BPTF: variants seen among roughly 807,000 people sequenced by gnomAD.
The protein encoded by BPTF is bromodomain PHD finger transcription factor.
Under a neutral mutation model 292.5 loss-of-function variants are expected in BPTF, and 18 were observed. The observed-to-expected ratio is 0.06, with a 90% confidence interval of 0.04 to 0.09. BPTF has a LOEUF of 0.09. BPTF is among the 10% of genes least tolerant of loss of function. BPTF has a pLI of 1.00. For missense variants in BPTF, 2,726 were observed against 3,498.7 expected (o/e 0.78, Z 5.57); for synonymous variants, 1,225 against 1,251.9 (o/e 0.98, Z 0.45).
rs553998676 is a variant in BPTF, at chr17:67,833,460, ATGC to A, written c.613+7129_613+7131del. Among the ~76,000 whole-genome samples the A allele has an allele frequency of 1.0e-3, 157 of 152,254 alleles. 1 individual carries two copies. The highest frequency in any genetic ancestry group is 0.01 in the Middle Eastern group (3 of 294). ...TTCCACTTTTTGGCCATTAGGAATA[ATGC>A]TGCTGAGCACATTCGTGTACATGTT... On this transcript the variant is annotated intron_variant, in intron 1 of 27. Coordinates refer to ENST00000306378, the MANE Select transcript of BPTF (RefSeq NM_182641.4).
rs374379938 is a variant in BPTF, at chr17:67,947,699, C to T, written c.7618-27C>T. On this transcript the variant is annotated intron_variant, in intron 21 of 27. Coordinates refer to ENST00000306378, the MANE Select transcript of BPTF (RefSeq NM_182641.4). The stretch of plus-strand genomic sequence containing the variant: ...TAACCTGTGGTGATTATAAAATATG[C>T]GCTTTTGGATTTATTCTGTCCTGAA... 21 of 1,525,376 alleles carry T rather than the reference C, an allele frequency of 1.4e-5. No homozygotes were observed. In the Admixed American group the frequency reaches 1.8e-4, roughly 13 times the overall value. 94.5% of individuals were successfully genotyped at this position (1,525,376 alleles called of 1,614,324 possible).
chr17:67,865,379 G>C (rs1185160307), intron 2 of BPTF, among the ~76,000 whole-genome samples: 1 of 152,142 alleles, frequency 6.6e-6, no homozygotes, highest in Non-Finnish European at 1.5e-5. Context: ...TCACTGGTGT[G>C]CCCAGGCACT....
chr17:67,938,760 C>T (rs76221188), intron 18 of BPTF, among the ~76,000 whole-genome samples: 2,793 of 152,138 alleles, frequency 0.018, 94 homozygotes, highest in African/African-American at 0.064. Flanking sequence ...CTAGTCTGGC[C>T]GCATTTTTTA....
intron 7 of BPTF, among the ~76,000 whole-genome samples, chr17:67,895,353 A>C (rs1260414924): frequency 6.6e-6 from 1 of 151,094 alleles, no homozygotes; most frequent in Non-Finnish European, 1.5e-5. Context: ...AAAAAAAAAA[A>C]AAAGGAATGT....
At chr17:67,921,695 A>G (rs1190962547) in intron 13 of BPTF, among the ~76,000 whole-genome samples, 1 of 152,174 alleles carries the variant, frequency 6.6e-6, no homozygotes. Flanking sequence ...AAAGAGTACC[A>G]ATGAAGTAAT....
intron 7 of BPTF, among the ~76,000 whole-genome samples, chr17:67,895,369 A>G (rs1487920463): frequency 2.7e-5 from 4 of 146,772 alleles, no homozygotes; most frequent in African/African-American, 7.5e-5. Context: ...AATGTAATAT[A>G]TGTTTTTGAG....
In BPTF at chr17:67,949,916, G is replaced by A. The variant is rs552336463; in HGVS notation, c.7926+1610G>A. 2.0e-5 allele frequency among the ~76,000 whole-genome samples: 3 copies of A among 151,642 alleles called. No homozygotes were observed. The South Asian group carries it at 6.2e-4, about 32-fold the overall frequency. ...CTAAAAACAAAAATTAGCCGGACATGGTGGCAGGTGCCTGTAATCCCAGCT... is the reference window on the plus strand; with the variant it reads ...CTAAAAACAAAAATTAGCCGGACATAGTGGCAGGTGCCTGTAATCCCAGCT... On this transcript the variant is annotated intron_variant, in intron 23 of 27. Transcript: ENST00000306378.
At chr17:67,896,438 TTACTC>T (rs1210082722) in intron 7 of BPTF, among the ~76,000 whole-genome samples, 13 of 146,200 alleles carry the variant, frequency 8.9e-5, no homozygotes, top group African/African-American at 9.9e-5. Context: ...GGTACAGTGT[TTACTC>T]TACGGGTAAT....
At chr17:67,853,628 A>G (rs1419278778) in intron 1 of BPTF, among the ~76,000 whole-genome samples, 1 of 151,676 alleles carries the variant, frequency 6.6e-6, no homozygotes, top group African/African-American at 2.4e-5. Context: ...TTCCTTAGAG[A>G]TCCTTGTTCT....
chr17:67,881,684 A>G (rs1284380470), intron 4 of BPTF, among the ~76,000 whole-genome samples: 1 of 151,494 alleles, frequency 6.6e-6, no homozygotes, highest in South Asian at 2.1e-4. Flanking sequence ...TTGTATTTAT[A>G]GTAGAGATGG....
chr17:67,882,979 G>A lies in BPTF; in HGVS notation c.1864+7959G>A, dbSNP rs77178333. 8.2e-4 allele frequency among the ~76,000 whole-genome samples: 122 copies of A among 148,930 alleles called. 3 individuals carry two copies. In the East Asian group the frequency reaches 0.021, roughly 26 times the overall value. On this transcript the variant is annotated intron_variant, in intron 4 of 27. Coordinates refer to ENST00000306378, the MANE Select transcript of BPTF (RefSeq NM_182641.4). ...CGCCACGCCACTGCACTCCAGCCTG[G>A]GTGATAGAGCCAGACGTTGTCTAAA...
At chr17:67,951,947 C>T (rs2066405017) in intron 23 of BPTF, among the ~76,000 whole-genome samples, 1 of 146,352 alleles carries the variant, frequency 6.8e-6, no homozygotes, top group Non-Finnish European at 1.5e-5. Flanking sequence ...TCCAGCTACT[C>T]AGGAGGATCA....
intron 14 of BPTF, among the ~76,000 whole-genome samples, chr17:67,924,194 A>G (rs146688656): frequency 1.3e-5 from 2 of 152,076 alleles, no homozygotes; most frequent in African/African-American, 4.8e-5. Flanking sequence ...ATCTCAAGCA[A>G]TCCACCTGCC....
intron 17 of BPTF, 133 bp downstream of exon 17, chr17:67,929,620 G>A: frequency 2.8e-6 from 3 of 1,056,676 alleles, no homozygotes; most frequent in South Asian, 3.7e-5. Flanking sequence ...GTACTGATTT[G>A]GAAAAAAATC....
chr17:67,937,505 A>C (rs2065011442), intron 18 of BPTF, among the ~76,000 whole-genome samples: 1 of 152,150 alleles, frequency 6.6e-6, no homozygotes, highest in African/African-American at 2.4e-5. Context: ...CCTGAGAAGG[A>C]CTCACTAACA....
At chr17:67,918,904 C>T (rs2063233642) in intron 12 of BPTF, 66 bp downstream of exon 12, 27 of 1,538,796 alleles carry the variant, frequency 1.8e-5, no homozygotes, top group South Asian at 1.1e-4. Flanking sequence ...CAGGCGTGGG[C>T]GCTCATGCCT....
intron 4 of BPTF, among the ~76,000 whole-genome samples, chr17:67,888,120 C>T (rs1051290547): frequency 6.6e-6 from 1 of 152,180 alleles, no homozygotes; most frequent in Non-Finnish European, 1.5e-5. Flanking sequence ...GGTAGCTCAG[C>T]ACGTGTGTGT....
At chr17:67,855,330 A>G (rs2058626455) in intron 2 of BPTF, among the ~76,000 whole-genome samples, 2 of 152,158 alleles carry the variant, frequency 1.3e-5, no homozygotes, top group Non-Finnish European at 2.9e-5. Flanking sequence ...AAAAGTTTCT[A>G]GGTGGAATGC....
intron 21 of BPTF, among the ~76,000 whole-genome samples, chr17:67,946,626 C>CT (rs2065832191): frequency 6.6e-6 from 1 of 152,142 alleles, no homozygotes; most frequent in African/African-American, 2.4e-5. Flanking sequence ...GAGGGTTTAA[C>CT]TAAGTTTTAA....
Sources: gnomAD v4.1 joint callset for allele counts (sites outside exome capture counted in the v4.1 genomes callset) on GRCh38, gnomAD v4.1.1 for gene constraint, MANE v1.5 for transcripts, NCBI Gene and HGNC (gene_info 2026-07-23, HGNC 2026-07-21) for gene names.